RGPD2: variants seen among roughly 807,000 people sequenced by gnomAD.
RGPD2 encodes RANBP2 like and GRIP domain containing 2.
RGPD2 carries 2 observed loss-of-function variants against 36.0 expected under a neutral mutation model. That is an observed-to-expected ratio of 0.06 (90% CI 0.02 to 0.17). The LOEUF (loss-of-function observed/expected upper bound fraction) is 0.17. Ranked by LOEUF, RGPD2 falls within the 10% of genes least tolerant of loss-of-function variation. The pLI is 1.00. For synonymous variants in RGPD2, 19 were observed against 163.8 expected, an observed-to-expected ratio of 0.12 and a Z score of 6.75; for missense variants, 40 against 464.3, an observed-to-expected ratio of 0.09 and a Z score of 8.40.
At chr2:87,905,132 C>A in the RGPD2 span, among the ~76,000 whole-genome samples, 1 of 152,146 alleles carries the variant, frequency 6.6e-6, no homozygotes, top group Non-Finnish European at 1.5e-5. Context: ...AGAGATCTCA[C>A]AGTCATAGGC....
the RGPD2 span, among the ~76,000 whole-genome samples, chr2:87,864,576 T>TGATAGATAGATA: frequency 1.0e-3 from 152 of 151,376 alleles, no homozygotes; most frequent in Middle Eastern, 3.4e-3. Flanking sequence ...CATAGATAGA[T>TGATAGATAGATA]GATAGATAGA....
At chr2:87,867,655 T>C in the RGPD2 span, among the ~76,000 whole-genome samples, 1 of 152,172 alleles carries the variant, frequency 6.6e-6, no homozygotes, top group Non-Finnish European at 1.5e-5. Context: ...TTTGGTAGTT[T>C]TTTTATTTTT....
chr2:87,809,018 G>A (rs1166047427), intron 6 of RGPD2, among the ~76,000 whole-genome samples: 4 of 88,920 alleles, frequency 4.5e-5, no homozygotes, highest in Admixed American at 1.3e-4. Flanking sequence ...TCAAGAGATC[G>A]AGACCAGCCG....
chr2:87,864,059 A>G, the RGPD2 span, among the ~76,000 whole-genome samples: 1 of 151,952 alleles, frequency 6.6e-6, no homozygotes, highest in Non-Finnish European at 1.5e-5. Context: ...GTTATGGTTC[A>G]TTTAATGTGT....
the RGPD2 span, among the ~76,000 whole-genome samples, chr2:87,914,113 C>G: frequency 6.6e-6 from 1 of 150,416 alleles, no homozygotes; most frequent in Non-Finnish European, 1.5e-5. Flanking sequence ...TACAAGGAGT[C>G]AGAAGATCTG....
At chr2:87,799,161 G>A (rs1685817707) in intron 8 of RGPD2, among the ~76,000 whole-genome samples, 1 of 151,112 alleles carries the variant, frequency 6.6e-6, no homozygotes, top group African/African-American at 2.4e-5. Flanking sequence ...GAGGTCAGGA[G>A]ATCGAGACCA....
At chr2:87,937,228 T>C in the RGPD2 span, among the ~76,000 whole-genome samples, 4 of 151,684 alleles carry the variant, frequency 2.6e-5, no homozygotes, top group African/African-American at 9.7e-5. Flanking sequence ...GAGACAAAAT[T>C]TAAAAGTGTC....
At chr2:87,957,917 A>C in the RGPD2 span, among the ~76,000 whole-genome samples, 1 of 152,298 alleles carries the variant, frequency 6.6e-6, no homozygotes, top group Admixed American at 6.5e-5. Flanking sequence ...TCATGGATGC[A>C]CTAAGTATAT....
intron 6 of RGPD2, among the ~76,000 whole-genome samples, chr2:87,809,365 A>T (rs572707422): frequency 6.7e-6 from 1 of 149,994 alleles, no homozygotes; most frequent in East Asian, 2.0e-4. Context: ...TCTACTAAAA[A>T]TACAAAAATT....
the RGPD2 span, among the ~76,000 whole-genome samples, chr2:87,834,626 C>T: frequency 6.6e-6 from 1 of 151,724 alleles, no homozygotes; most frequent in Non-Finnish European, 1.5e-5. Context: ...ATGAATTTAA[C>T]AAAATACATG....
the RGPD2 span, among the ~76,000 whole-genome samples, chr2:87,858,405 CT>C: frequency 4.6e-5 from 7 of 151,436 alleles, no homozygotes; most frequent in African/African-American, 1.7e-4. Flanking sequence ...TGATATGTGG[CT>C]TTTTAAAAAA....
the RGPD2 span, among the ~76,000 whole-genome samples, chr2:87,919,229 G>C: frequency 6.6e-6 from 1 of 151,962 alleles, no homozygotes; most frequent in Non-Finnish European, 1.5e-5. Flanking sequence ...TCTCTTACGT[G>C]TTCTGTGTGC....
At chr2:87,813,672 G>A (rs1175449552) in intron 4 of RGPD2, among the ~76,000 whole-genome samples, 1 of 115,564 alleles carries the variant, frequency 8.7e-6, no homozygotes, top group African/African-American at 3.4e-5. Flanking sequence ...AAAAGCCCTA[G>A]TCTTTGACTC....
the RGPD2 span, among the ~76,000 whole-genome samples, chr2:87,866,470 A>G: frequency 6.6e-6 from 1 of 152,074 alleles, no homozygotes; most frequent in African/African-American, 2.4e-5. Context: ...CATTTTGAAT[A>G]TTATTGATAA....
chr2:87,857,530 G>C, the RGPD2 span, among the ~76,000 whole-genome samples: 53 of 151,428 alleles, frequency 3.5e-4, no homozygotes, highest in Non-Finnish European at 4.4e-5. Flanking sequence ...TTTTAGTAGA[G>C]ACGGGGTTTC....
chr2:87,847,924 GT>G, the RGPD2 span, among the ~76,000 whole-genome samples: 30 of 138,384 alleles, frequency 2.2e-4, no homozygotes, highest in East Asian at 5.9e-3. Context: ...CCAACAGGTA[GT>G]TTTTCGACCC....
chr2:87,985,723 T>C, the RGPD2 span: 1 of 1,581,456 alleles, frequency 6.3e-7, no homozygotes. Flanking sequence ...TTGTATTTAC[T>C]TACATTTCTA....
the RGPD2 span, among the ~76,000 whole-genome samples, chr2:87,986,551 A>T: frequency 6.6e-6 from 1 of 151,340 alleles, no homozygotes; most frequent in Non-Finnish European, 1.5e-5. Context: ...GCTCCCCTTC[A>T]CTCTTAAAGA....
chr2:87,956,882 C>G, the RGPD2 span, among the ~76,000 whole-genome samples: 76 of 146,596 alleles, frequency 5.2e-4, no homozygotes, highest in African/African-American at 1.9e-3. Flanking sequence ...AGGATGGCAA[C>G]TTCATGCTGG....
Sources: allele counts gnomAD v4.1 joint callset (sites outside exome capture counted in the v4.1 genomes callset), GRCh38; gene constraint gnomAD v4.1.1; transcripts MANE v1.5; gene names NCBI Gene and HGNC (gene_info 2026-07-23, HGNC 2026-07-21).